NAALADL2: variants seen among roughly 807,000 people sequenced by gnomAD.
NAALADL2 encodes inactive N-acetylated-alpha-linked acidic dipeptidase-like protein 2.
In NAALADL2, 76 loss-of-function variants were observed where a neutral mutation model predicts 87.2. That is an observed-to-expected ratio of 0.87 (90% CI 0.72 to 1.05). NAALADL2 has a LOEUF of 1.05. Ranked by LOEUF, NAALADL2 falls within the 50% of genes least tolerant of loss-of-function variation. The pLI, the probability that NAALADL2 is intolerant of heterozygous loss-of-function variation, is 0.00. For missense variants in NAALADL2, 1,089 were observed against 945.8 expected (o/e 1.15, Z -1.99); for synonymous variants, 354 against 331.0 (o/e 1.07, Z -0.75).
At chr3:175,321,974 C>T (rs1424683602) in intron 4 of NAALADL2, among the ~76,000 whole-genome samples, 56 of 151,704 alleles carry the variant, frequency 3.7e-4, no homozygotes, top group African/African-American at 1.1e-3. Context: ...CTTCACAGAA[C>T]TGGAAAAAAC....
At position 175,324,244 on chromosome 3, in the gene NAALADL2, A is replaced by T; in HGVS notation, c.1009A>T (p.Thr337Ser). 1 of 1,613,624 alleles carries T rather than the reference A, an allele frequency of 6.2e-7. No individual in the cohort carries two copies. Among genetic ancestry groups the T allele is most frequent in the East Asian group, 2.2e-5 (1 of 44,846 alleles). The change falls in exon 5 of 14, where the codon ACT becomes TCT. Residue 337 changes from threonine to serine, a missense_variant. Physicochemically the swap from Thr to Ser is moderately conservative, Grantham distance 58 (BLOSUM62 1). Transcript: ENST00000454872. The part of the protein sequence containing the change: ...LYIDPCDLPK[T>S]VNPSHDTFMV... ...TATCGATCCTTGTGATTTGCCAAAG[A>T]CTGTGAATCCTAGCCATGATACCTT...
At chr3:175,431,494 T>G (rs1717755339) in intron 5 of NAALADL2, among the ~76,000 whole-genome samples, 1 of 152,010 alleles carries the variant, frequency 6.6e-6, no homozygotes, top group Non-Finnish European at 1.5e-5. Flanking sequence ...GCATTCTCAT[T>G]CATCCTCAAG....
chr3:175,796,991 T>C (rs1311495495), intron 13 of NAALADL2, among the ~76,000 whole-genome samples: 2 of 152,118 alleles, frequency 1.3e-5, no homozygotes, highest in Admixed American at 6.5e-5. Flanking sequence ...AGGAAAAGAT[T>C]TGTCAGTTGA....
chr3:174,687,111 C>T (rs531142271), intron 2 of NAALADL2, among the ~76,000 whole-genome samples: 1 of 152,230 alleles, frequency 6.6e-6, no homozygotes, highest in African/African-American at 2.4e-5. Context: ...TGCCATTCCT[C>T]TGAGTTTATC....
intron 13 of NAALADL2, among the ~76,000 whole-genome samples, chr3:175,790,181 G>A (rs1379703196): frequency 6.6e-6 from 1 of 152,002 alleles, no homozygotes; most frequent in African/African-American, 2.4e-5. Context: ...ACAAACCTAT[G>A]CATTACTATC....
At chr3:174,542,119 A>G (rs1158472677) in intron 1 of NAALADL2, among the ~76,000 whole-genome samples, 1 of 152,122 alleles carries the variant, frequency 6.6e-6, no homozygotes, top group African/African-American at 2.4e-5. Flanking sequence ...GGCATTTGTA[A>G]ACTCTCATGG....
At chr3:175,093,151 T>C (rs1441459510) in intron 1 of NAALADL2, among the ~76,000 whole-genome samples, 1 of 151,690 alleles carries the variant, frequency 6.6e-6, no homozygotes, top group African/African-American at 2.4e-5. Context: ...AAAAATTGAA[T>C]GGCATTATTA....
intron 11 of NAALADL2, among the ~76,000 whole-genome samples, chr3:175,665,067 A>T (rs1732768413): frequency 6.6e-6 from 1 of 152,164 alleles, no homozygotes; most frequent in Admixed American, 6.5e-5. Context: ...AATTTGCCCA[A>T]AGATCATAGC....
intron 2 of NAALADL2, among the ~76,000 whole-genome samples, chr3:174,597,847 T>C (rs1718065703): frequency 6.6e-6 from 1 of 152,190 alleles, no homozygotes; most frequent in African/African-American, 2.4e-5. Flanking sequence ...TAGTTGAGAA[T>C]CCCTCTTTTC....
chr3:174,878,985 G>T (rs1362508045), intron 1 of NAALADL2, among the ~76,000 whole-genome samples: 2 of 151,956 alleles, frequency 1.3e-5, no homozygotes, highest in East Asian at 3.9e-4. Context: ...ATCTCAGTAC[G>T]CATATTTAGC....
chr3:174,996,993 G>GGTGTGT (rs34590643), intron 1 of NAALADL2, among the ~76,000 whole-genome samples: 30 of 121,584 alleles, frequency 2.5e-4, no homozygotes, highest in South Asian at 5.7e-4. Context: ...TATTCCAAGG[G>GGTGTGT]GTGTGTGTGT....
At chr3:175,305,037 A>G (rs775503850) in intron 4 of NAALADL2, among the ~76,000 whole-genome samples, 18 of 152,056 alleles carry the variant, frequency 1.2e-4, no homozygotes, top group Non-Finnish European at 1.8e-4. Context: ...ATTGCATTCT[A>G]GATGCTGTTG....
intron 1 of NAALADL2, among the ~76,000 whole-genome samples, chr3:174,511,764 G>C (rs897889863): frequency 6.0e-5 from 9 of 151,076 alleles, no homozygotes; most frequent in African/African-American, 2.2e-4. Context: ...AGATAAAATG[G>C]ACATATTTTA....
rs143024734 is a variant in NAALADL2 at position 175,759,627 on chromosome 3, A to C, written c.2189+4209A>C. ...TGCCTCAGCCTCCCAAAGTGCTGGG[A>C]TTACAGGCGTGAGCCACCATGCCCA... On this transcript the variant is annotated intron_variant, in intron 13 of 13. Transcript: ENST00000454872. Among the ~76,000 whole-genome samples the C allele has an allele frequency of 5.0e-3, 757 of 152,344 alleles. 4 individuals carry two copies. Among genetic ancestry groups the C allele is most frequent in the African/African-American group, 0.017 (720 of 41,588 alleles).
At chr3:174,801,865 C>G (rs923203815) in intron 3 of NAALADL2, among the ~76,000 whole-genome samples, 1 of 151,788 alleles carries the variant, frequency 6.6e-6, no homozygotes, top group Non-Finnish European at 1.5e-5. Context: ...CTTAAGAGGT[C>G]ATGAAAAGAT....
In NAALADL2 at chr3:175,458,926, A is replaced by G. The variant is rs4513459; in HGVS notation, c.1235-4475A>G. ...CAGATGGCCTTCTCACTTTGCTTCA[A>G]TGGCTTATCTCATTGCACTATTTCC... On this transcript the variant is annotated intron_variant, in intron 6 of 13. Coordinates refer to ENST00000454872, the MANE Select transcript of NAALADL2 (RefSeq NM_207015.3). Among the ~76,000 whole-genome samples, 1,113 of 152,222 alleles carry G rather than the reference A, an allele frequency of 7.3e-3. 5 individuals carry two copies. Among genetic ancestry groups the G allele is most frequent in the Admixed American group, 0.012 (176 of 15,262 alleles).
intron 4 of NAALADL2, among the ~76,000 whole-genome samples, chr3:175,279,315 G>T (rs1028142513): frequency 3.3e-5 from 5 of 152,102 alleles, no homozygotes; most frequent in African/African-American, 9.6e-5. Context: ...TTCTAGCAAC[G>T]GCTCTAGGAA....
chr3:175,455,086 T>C (rs1033336565), intron 6 of NAALADL2, among the ~76,000 whole-genome samples: 3 of 152,030 alleles, frequency 2.0e-5, no homozygotes, highest in African/African-American at 4.8e-5. Context: ...GCAAGTACTT[T>C]AGCTGTAAGA....
chr3:175,544,651 G>A (rs1238331179), intron 9 of NAALADL2, among the ~76,000 whole-genome samples: 1 of 152,056 alleles, frequency 6.6e-6, no homozygotes, highest in East Asian at 1.9e-4. Flanking sequence ...AGTGGATTTG[G>A]ATATTTGCCT....
Sources: allele counts gnomAD v4.1 joint callset (sites outside exome capture counted in the v4.1 genomes callset), GRCh38; gene constraint gnomAD v4.1.1; transcripts MANE v1.5; gene names NCBI Gene and HGNC (gene_info 2026-07-23, HGNC 2026-07-21).